The following IQSEC3 variants were observed in gnomAD, a reference collection of about 807,000 sequenced individuals.
IQSEC3 encodes IQ motif and SEC7 domain-containing protein 3.
IQSEC3 carries 50 observed loss-of-function variants against 105.4 expected under a neutral mutation model. The ratio of observed to expected loss-of-function variants is 0.47; its 90% confidence interval spans 0.38 to 0.60. IQSEC3 has a LOEUF of 0.60. IQSEC3 is among the 20% of genes least tolerant of loss of function. The pLI, the probability that IQSEC3 is intolerant of heterozygous loss-of-function variation, is 0.00. For synonymous variants in IQSEC3, 708 were observed against 746.0 expected, an observed-to-expected ratio of 0.95 and a Z score of 0.83; for missense variants, 1,415 against 1,630.0, an observed-to-expected ratio of 0.87 and a Z score of 2.27.
chr12:157,095 A>T lies in IQSEC3; in HGVS notation c.2224A>T (p.Ile742Phe). Residue 742 changes from isoleucine to phenylalanine, a missense_variant, in exon 6 of 14, where the codon ATC becomes TTC. Coordinates refer to ENST00000538872, the MANE Select transcript of IQSEC3 (RefSeq NM_001170738.2). ...DEALRKFQAH[I>F]RVQGEAQKVE... is the part of the protein sequence containing the mutation. ...GGCCCTGCGCAAGTTCCAGGCACACATCCGTGTGCAGGGGGAGGCTCAGAA... is the reference window on the plus strand; with the variant it reads ...GGCCCTGCGCAAGTTCCAGGCACACTTCCGTGTGCAGGGGGAGGCTCAGAA... 1.2e-6 allele frequency: 2 copies of T among 1,604,004 alleles called. No individual in the cohort carries two copies. Among genetic ancestry groups the T allele is most frequent in the Non-Finnish European group, 1.7e-6 (2 of 1,175,194 alleles).
chr12:78,259 CA>C (rs1239835010), intron 1 of IQSEC3, among the ~76,000 whole-genome samples: 2 of 151,866 alleles, frequency 1.3e-5, no homozygotes, highest in East Asian at 3.9e-4. Flanking sequence ...CGCCCGCCGC[CA>C]GCCCGGGGAG....
At chr12:170,396 G>A (rs559385725) in intron 12 of IQSEC3, among the ~76,000 whole-genome samples, 5 of 152,282 alleles carry the variant, frequency 3.3e-5, no homozygotes, top group East Asian at 3.9e-4. Flanking sequence ...CCTCCACAGC[G>A]GGGTCTTTCT....
At chr12:168,820 C>T (rs11061709) in intron 11 of IQSEC3, among the ~76,000 whole-genome samples, 193 bp from the exon 12 acceptor site, 3 of 151,906 alleles carry the variant, frequency 2.0e-5, no homozygotes, top group Non-Finnish European at 4.4e-5. Flanking sequence ...GTACAGATGA[C>T]GAAACTGCGG....
intron 12 of IQSEC3, among the ~76,000 whole-genome samples, chr12:169,351 T>C (rs1938849430): frequency 6.6e-6 from 1 of 152,216 alleles, no homozygotes; most frequent in South Asian, 2.1e-4. Flanking sequence ...CCGTGTGAGA[T>C]GTCACTGTCT....
chr12:133,636 A>G (rs1330534635), intron 3 of IQSEC3, among the ~76,000 whole-genome samples: 1 of 151,766 alleles, frequency 6.6e-6, no homozygotes, highest in African/African-American at 2.4e-5. Context: ...GGCACAGGTT[A>G]GTGTTCTGGA....
chr12:140,245 A>C (rs1865962305), intron 4 of IQSEC3: 1 of 151,818 alleles, frequency 6.6e-6, no homozygotes, highest in Non-Finnish European at 1.5e-5. Flanking sequence ...CTCACCTTAC[A>C]TAAAGCATCT....
chr12:165,805 G>C lies in IQSEC3; in HGVS notation c.2886G>C (p.Leu962=). Residue 962 remains leucine (L), a synonymous_variant, in exon 11 of 14, where the codon CTG becomes CTC. Transcript: ENST00000538872. The part of the protein sequence containing the change: ...EKKQVLHFCA[L]GSDEMQKFVE... ...AGCAGGTGCTGCATTTCTGTGCCCT[G>C]GGCTCGGACGAGATGCAGAAGTTCG... 6.2e-7 allele frequency: 1 copy of C among 1,614,064 alleles called. No homozygotes were observed. Among genetic ancestry groups the C allele is most frequent in the Non-Finnish European group, 8.5e-7 (1 of 1,180,040 alleles).
At chr12:141,379 A>G (rs1358736097) in intron 5 of IQSEC3, 94 bp downstream of exon 5, 2 of 1,315,724 alleles carry the variant, frequency 1.5e-6, no homozygotes, top group Non-Finnish European at 2.1e-6. Context: ...TCCTCGCTCC[A>G]GTTCTAACAG....
chr12:115,067 C>T (rs557785285), intron 2 of IQSEC3, among the ~76,000 whole-genome samples: 10 of 152,352 alleles, frequency 6.6e-5, no homozygotes, highest in African/African-American at 2.4e-4. Context: ...AGGACGTTAA[C>T]TGCAGGGAAA....
chr12:146,833 C>T (rs1402850385), intron 5 of IQSEC3, among the ~76,000 whole-genome samples: 1 of 152,120 alleles, frequency 6.6e-6, no homozygotes, highest in African/African-American at 2.4e-5. Context: ...ACTGCCAGCA[C>T]CAGAAGGCTG....
At chr12:112,290 G>A (rs1486848755) in intron 2 of IQSEC3, among the ~76,000 whole-genome samples, 1 of 150,898 alleles carries the variant, frequency 6.6e-6, no homozygotes, top group African/African-American at 2.4e-5. Context: ...TAAGGAGTGG[G>A]GAAGTGGGGG....
intron 5 of IQSEC3, among the ~76,000 whole-genome samples, chr12:147,259 C>T (rs1317868331): frequency 2.6e-5 from 4 of 152,080 alleles, no homozygotes; most frequent in African/African-American, 7.2e-5. Flanking sequence ...CCAGGAGGGC[C>T]GTTTGTGACC....
intron 1 of IQSEC3, among the ~76,000 whole-genome samples, chr12:89,467 T>C (rs1864016883): frequency 6.6e-6 from 1 of 152,202 alleles, no homozygotes. Context: ...TGGATTAAGC[T>C]AAAATTAGAT....
At position 125,564 on chromosome 12, in the gene IQSEC3, C is replaced by T. The variant is rs543934724; in HGVS notation, c.624-69C>T. 1,532 of 1,402,358 alleles carry T rather than the reference C, an allele frequency of 1.1e-3. 3 individuals are homozygous for T. The highest frequency in any genetic ancestry group is 2.0e-3 in the African/African-American group (130 of 66,292). 86.9% of individuals were successfully genotyped at this position (1,402,358 alleles called of 1,614,324 possible). A position where few individuals can be genotyped will look rare whatever the true frequency, so the allele number is the denominator to read the frequency against. ...GGCCAGAGTGCCTAGCTTCTCTCCC[C>T]GACCCCCACATCCACACGCACCCTG... On this transcript the variant is annotated intron_variant, in intron 2 of 13. Coordinates refer to ENST00000538872, the MANE Select transcript of IQSEC3 (RefSeq NM_001170738.2).
intron 7 of IQSEC3, 122 bp downstream of exon 7, chr12:157,816 C>G: frequency 1.8e-6 from 2 of 1,112,482 alleles, no homozygotes; most frequent in Non-Finnish European, 2.5e-6. Context: ...TGGGCCTGGT[C>G]ACCCATAGCA....
chr12:88,077 AG>A (rs1863973973), intron 1 of IQSEC3, among the ~76,000 whole-genome samples: 1 of 152,224 alleles, frequency 6.6e-6, no homozygotes, highest in African/African-American at 2.4e-5. Context: ...CCGAAGCAGC[AG>A]GAGGGCTTCG....
At chr12:164,614 CT>C (rs1867083550) in intron 9 of IQSEC3, 2 of 152,302 alleles carry the variant, frequency 1.3e-5, no homozygotes, top group African/African-American at 4.8e-5. Flanking sequence ...ACACGTAGCA[CT>C]TTGGTTTTGT....
intron 3 of IQSEC3, among the ~76,000 whole-genome samples, chr12:131,550 G>C (rs782052694): frequency 2.6e-5 from 4 of 152,334 alleles, no homozygotes; most frequent in Non-Finnish European, 4.4e-5. Context: ...CTGGACAAGA[G>C]TCTGGAATTT....
intron 1 of IQSEC3, among the ~76,000 whole-genome samples, chr12:92,305 C>T (rs1555073676): frequency 6.6e-6 from 1 of 152,172 alleles, no homozygotes; most frequent in Non-Finnish European, 1.5e-5. Context: ...GACGATGTTC[C>T]TTTTTCATAG....
Sources: allele counts gnomAD v4.1 joint callset (sites outside exome capture counted in the v4.1 genomes callset), GRCh38; gene constraint gnomAD v4.1.1; transcripts MANE v1.5; gene names NCBI Gene and HGNC (gene_info 2026-07-23, HGNC 2026-07-21).